PARP12: variants seen among roughly 807,000 people sequenced by gnomAD.
PARP12 encodes protein mono-ADP-ribosyltransferase PARP12.
PARP12 carries 59 observed loss-of-function variants against 72.4 expected under a neutral mutation model. That is an observed-to-expected ratio of 0.81 (90% CI 0.66 to 1.01). The LOEUF (loss-of-function observed/expected upper bound fraction) is 1.01, where lower values mean the gene tolerates loss of function less well. Ranked by LOEUF, PARP12 falls within the 50% of genes least tolerant of loss-of-function variation. PARP12 has a pLI of 0.00. For synonymous variants in PARP12, 403 were observed against 371.4 expected, an observed-to-expected ratio of 1.09 and a Z score of -0.98; for missense variants, 851 against 914.0, an observed-to-expected ratio of 0.93 and a Z score of 0.89.
In PARP12 at chr7:140,028,691, A is replaced by G; in HGVS notation, c.1422-3T>C. 6.3e-7 allele frequency: 1 copy of G among 1,597,360 alleles called. No homozygotes were observed. Among genetic ancestry groups the G allele is most frequent in the Non-Finnish European group, 8.5e-7 (1 of 1,170,766 alleles). On this transcript the variant is annotated splice_polypyrimidine_tract_variant and splice_region_variant and intron_variant, in intron 8 of 11. Coordinates refer to ENST00000263549, the MANE Select transcript of PARP12 (RefSeq NM_022750.4). ...TCGGGCCTGGAAACTTGGTATTGCT[A>G]CAAAAATGTAAACAAAAACACGTAG...
chr7:140,027,297 G>C lies in PARP12; in HGVS notation c.1607C>G (p.Ala536Gly). 2 of 1,613,888 alleles carry C rather than the reference G, an allele frequency of 1.2e-6. No individual in the cohort carries two copies. The highest frequency in any genetic ancestry group is 1.7e-4 in the Middle Eastern group (1 of 6,048). The stretch of plus-strand genomic sequence containing the variant: ...GCACCACTGGTAGACTTCCCAGAGG[G>C]CCAGGTTCTGTACTCGCTCAATCTT... ...VQKIERVQNL[A>G]LWEVYQWQKG... is the part of the protein sequence containing the mutation. The change falls in exon 10 of 12, where the codon GCC becomes GGC. Residue 536 changes from alanine to glycine, a missense_variant. By Grantham distance (60) the Ala-to-Gly change is moderately conservative. Coordinates refer to ENST00000263549, the MANE Select transcript of PARP12 (RefSeq NM_022750.4).
At chr7:140,034,448 C>T in intron 7 of PARP12, 117 bp from the exon 8 acceptor site, 1 of 841,880 alleles carries the variant, frequency 1.2e-6, no homozygotes, top group South Asian at 1.7e-5. Flanking sequence ...ATGTGTAAAA[C>T]CCAGAATCAG....
At position 140,033,612 on chromosome 7, in the gene PARP12, A is replaced by G. The variant is rs150859042; in HGVS notation, c.1421+623T>C. Reference sequence around the variant, plus strand: ...CCCATCCCACCTCCCCAAGCCTAAAATAACACCAGAGGTTGAGATAGGGTC... The same window carrying G: ...CCCATCCCACCTCCCCAAGCCTAAAGTAACACCAGAGGTTGAGATAGGGTC... On this transcript the variant is annotated intron_variant, in intron 8 of 11. Coordinates refer to ENST00000263549, the MANE Select transcript of PARP12 (RefSeq NM_022750.4). 1,187 of 985,362 alleles carry G rather than the reference A, an allele frequency of 1.2e-3. 14 individuals are homozygous for G. The African/African-American group carries it at 0.019, about 16-fold the overall frequency. The allele number at this position is 985,362 out of a possible 1,614,324, so 61.0% of individuals were successfully genotyped here. A position where few individuals can be genotyped will look rare whatever the true frequency, so the allele number is the denominator to read the frequency against.
rs759412930 is a variant in PARP12 at position 140,041,801 on chromosome 7, T to A, written c.1025A>T (p.His342Leu). 1.1e-5 allele frequency: 18 copies of A among 1,613,654 alleles called. No homozygotes were observed. Among genetic ancestry groups the A allele is most frequent in the Non-Finnish European group, 1.4e-5 (17 of 1,179,948 alleles). Residue 342 changes from histidine to leucine, a missense_variant, in exon 6 of 12, where the codon CAT becomes CTT. Coordinates refer to ENST00000263549, the MANE Select transcript of PARP12 (RefSeq NM_022750.4). ...AGTCATGGCGTTAAAGTTCAGACAA[T>A]GAGAGTGAAAGGTACTGGCTGACTC... ...CSESASTFHSHCLNFNAMTYG... is the reference protein window; with the variant it reads ...CSESASTFHSLCLNFNAMTYG...
intron 8 of PARP12, among the ~76,000 whole-genome samples, chr7:140,030,287 C>T (rs1037951636): frequency 6.6e-6 from 1 of 152,204 alleles, no homozygotes; most frequent in African/African-American, 2.4e-5. Flanking sequence ...AAATTTCCTT[C>T]AAGATTGATG....
chr7:140,033,849 C>T (rs993269076), intron 8 of PARP12: 4 of 988,790 alleles, frequency 4.0e-6, no homozygotes, highest in Non-Finnish European at 4.8e-6. Flanking sequence ...TACTAAAATA[C>T]ATGAGTTTTT....
At position 140,037,735 on chromosome 7, in the gene PARP12, T is replaced by C. The variant is rs1267357229; in HGVS notation, c.1304A>G (p.Asn435Ser). Residue 435 changes from asparagine (N) to serine (S), a missense_variant, in exon 7 of 12, where the codon AAC (asparagine) becomes AGC (serine). Coordinates refer to ENST00000263549, the MANE Select transcript of PARP12 (RefSeq NM_022750.4). Reference sequence around the variant, plus strand: ...GATACCTTTGAAATCTAACTCGTAGTTGTGCTTTCCGGCCTGGAACTTCAA... The same window carrying C: ...GATACCTTTGAAATCTAACTCGTAGCTGTGCTTTCCGGCCTGGAACTTCAA... ...ATLKFQAGKH[N>S]YELDFKAFVQ... 6.2e-7 allele frequency: 1 copy of C among 1,614,196 alleles called. No homozygotes were observed. Among genetic ancestry groups the C allele is most frequent in the Admixed American group, 1.7e-5 (1 of 60,030 alleles).
intron 7 of PARP12, 66 bp downstream of exon 7, chr7:140,037,649 G>A (rs1816262476): frequency 1.9e-6 from 3 of 1,588,474 alleles, no homozygotes; most frequent in Non-Finnish European, 2.6e-6. Context: ...GCTCCTCCAG[G>A]GTTAAGGTGT....
In PARP12 at chr7:140,025,468, T is replaced by C. The variant is rs78100010; in HGVS notation, c.1781-583A>G. On this transcript the variant is annotated intron_variant, in intron 11 of 11. Coordinates refer to ENST00000263549, the MANE Select transcript of PARP12 (RefSeq NM_022750.4). ...ACAAAGAACTGATGGACCCGGAACA[T>C]GGACTGCTGGGCAGAAAATGTTCTC... is the stretch of plus-strand genomic sequence containing the variant. 1,210 of 405,182 alleles carry C rather than the reference T, an allele frequency of 3.0e-3. 15 individuals carry two copies. Among genetic ancestry groups the C allele is most frequent in the African/African-American group, 0.024 (1,166 of 48,192 alleles). 25.1% of individuals were successfully genotyped at this position (405,182 alleles called of 1,614,324 possible). A position where few individuals can be genotyped will look rare whatever the true frequency, so the allele number is the denominator to read the frequency against.
chr7:140,056,986 C>A lies in PARP12; in HGVS notation c.630G>T (p.Leu210Phe). The change falls in exon 3 of 12, where the codon TTG becomes TTT. Residue 210 changes from leucine to phenylalanine, a missense_variant. Leu to Phe is a conservative substitution (Grantham distance 22). Transcript: ENST00000263549. ...DFSNSENLEK[L>F]EKLGMSSDLV... ...GGTCTGAGCTCATACCCAACTTCTC[C>A]AATTTTTCCAGATTCTCAGAATTAG... The A allele has an allele frequency of 6.2e-7, 1 of 1,614,224 alleles. No homozygotes were observed. Among genetic ancestry groups the A allele is most frequent in the Non-Finnish European group, 8.5e-7 (1 of 1,180,052 alleles).
intron 3 of PARP12, 47 bp from the exon 4 acceptor site, chr7:140,054,810 T>A: frequency 6.9e-7 from 1 of 1,459,788 alleles, no homozygotes; most frequent in Non-Finnish European, 9.6e-7. Context: ...ATATGGGGTA[T>A]AAAAGAGAGT....
intron 11 of PARP12, chr7:140,025,461 C>T (rs1022869787): frequency 3.1e-5 from 12 of 392,734 alleles, no homozygotes; most frequent in African/African-American, 1.0e-4. Flanking sequence ...CTGATGGACC[C>T]GGAACATGGA....
chr7:140,061,993 G>GGTGTT (rs1817469654), intron 1 of PARP12, among the ~76,000 whole-genome samples: 1 of 149,898 alleles, frequency 6.7e-6, no homozygotes. Context: ...CGGGGGGGGG[G>GGTGTT]GGGTGTTCCA....
At chr7:140,028,109 T>C (rs142732687) in intron 9 of PARP12, among the ~76,000 whole-genome samples, 1 of 152,304 alleles carries the variant, frequency 6.6e-6, no homozygotes, top group Non-Finnish European at 1.5e-5. Context: ...CAGCCTCAGA[T>C]GTTAGTCTGC....
chr7:140,032,258 T>G (rs1380027594), intron 8 of PARP12, among the ~76,000 whole-genome samples: 1 of 151,992 alleles, frequency 6.6e-6, no homozygotes, highest in Non-Finnish European at 1.5e-5. Context: ...CTAGTGGGTG[T>G]GCATAATGAT....
At chr7:140,026,389 C>A in intron 10 of PARP12, 41 bp from the exon 11 acceptor site, 1 of 1,583,448 alleles carries the variant, frequency 6.3e-7, no homozygotes, top group Admixed American at 1.7e-5. Context: ...CAGAGTGTGC[C>A]GGCCACCAAA....
At position 140,024,635 on chromosome 7, in the gene PARP12, G is replaced by A; in HGVS notation, c.2031C>T (p.Tyr677=). 1.2e-6 allele frequency: 2 copies of A among 1,614,156 alleles called. No individual in the cohort carries two copies. Among genetic ancestry groups the A allele is most frequent in the Non-Finnish European group, 1.7e-6 (2 of 1,180,016 alleles). ...TGACCGAGGGCTTGGAGGAGGTGGT[G>A]TACTGGATGACATACTCTGGGTAGA... ...HQVYPEYVIQ[Y]TTSSKPSVTP... The change falls in exon 12 of 12, where the codon TAC becomes TAT. Residue 677 remains tyrosine, a synonymous_variant. Coordinates refer to ENST00000263549, the MANE Select transcript of PARP12 (RefSeq NM_022750.4).
intron 6 of PARP12, among the ~76,000 whole-genome samples, chr7:140,040,840 T>C (rs1025635255): frequency 6.6e-6 from 1 of 152,244 alleles, no homozygotes; most frequent in Non-Finnish European, 1.5e-5. Flanking sequence ...CTCTGCTCAC[T>C]GCAACCTCTG....
At chr7:140,052,641 T>TATTACAAAATA (rs1817009501) in intron 4 of PARP12, among the ~76,000 whole-genome samples, 1 of 152,076 alleles carries the variant, frequency 6.6e-6, no homozygotes. Flanking sequence ...TATTACAAGT[T>TATTACAAAATA]AGTATGAATT....
Sources: gnomAD v4.1 joint callset for allele counts (sites outside exome capture counted in the v4.1 genomes callset) on GRCh38, gnomAD v4.1.1 for gene constraint, MANE v1.5 for transcripts, NCBI Gene and HGNC (gene_info 2026-07-23, HGNC 2026-07-21) for gene names.